The following SNX19 variants were observed in gnomAD, a reference collection of about 807,000 sequenced individuals.
SNX19 encodes the protein sorting nexin-19.
Under a neutral mutation model 85.2 loss-of-function variants are expected in SNX19, and 60 were observed. That is an observed-to-expected ratio of 0.70 (90% CI 0.57 to 0.87). The LOEUF (loss-of-function observed/expected upper bound fraction) is 0.87, where lower values mean the gene tolerates loss of function less well. Among genes scored for constraint, SNX19 ranks in the 40% least tolerant of loss-of-function variants. The pLI is 0.00. For synonymous variants in SNX19, 520 were observed against 470.0 expected (o/e 1.11, Z -1.38); for missense variants, 1,201 against 1,217.8 (o/e 0.99, Z 0.21).
rs12361892 is a variant in SNX19 at position 130,874,595 on chromosome 11, T to G, written c.*3827A>C. ...CTACTCACGTACTAATGTTATGAAA[T>G]AAAATAAATTTTCCTCATAATTTAA... On this transcript the variant is annotated 3_prime_UTR_variant, in exon 11 of 11. Transcript: ENST00000265909. 0.44 allele frequency among the ~76,000 whole-genome samples: 66,525 copies of G among 152,088 alleles called. 14,834 individuals are homozygous for G. The highest frequency in any genetic ancestry group is 0.56 in the South Asian group (2,724 of 4,822).
intron 8 of SNX19, among the ~76,000 whole-genome samples, chr11:130,900,934 A>C (rs1945219624): frequency 6.6e-6 from 1 of 152,208 alleles, no homozygotes; most frequent in Non-Finnish European, 1.5e-5. Flanking sequence ...GGAAATGTTT[A>C]TTTCTTTATT....
chr11:130,901,521 C>T (rs554475398), intron 8 of SNX19, among the ~76,000 whole-genome samples: 26 of 151,984 alleles, frequency 1.7e-4, no homozygotes, highest in African/African-American at 4.3e-4. Context: ...AAAGACCATT[C>T]GAAGGCAGAT....
At chr11:130,886,711 G>T (rs551903412) in intron 8 of SNX19, among the ~76,000 whole-genome samples, 1 of 152,276 alleles carries the variant, frequency 6.6e-6, no homozygotes, top group African/African-American at 2.4e-5. Context: ...AAATGTTTTT[G>T]CCCATTTCAC....
At chr11:130,905,235 A>G (rs1945574143) in intron 7 of SNX19, among the ~76,000 whole-genome samples, 1 of 152,208 alleles carries the variant, frequency 6.6e-6, no homozygotes, top group African/African-American at 2.4e-5. Context: ...TCTGCCTCCA[A>G]TGCATATAAG....
In SNX19 at chr11:130,872,279, C is replaced by T. The variant is rs1380864069; in HGVS notation, c.*6143G>A. Reference sequence around the variant, plus strand: ...TGACAGGGAGGCAGTGCAAAGGCTCCGCAAGTCTGAAAATAGCATAGTGTG... The same window carrying T: ...TGACAGGGAGGCAGTGCAAAGGCTCTGCAAGTCTGAAAATAGCATAGTGTG... On this transcript the variant is annotated 3_prime_UTR_variant, in exon 11 of 11. Transcript: ENST00000265909. Among the ~76,000 whole-genome samples, 1 of 152,040 alleles carries T rather than the reference C, an allele frequency of 6.6e-6. No individual in the cohort carries two copies. Among genetic ancestry groups the T allele is most frequent in the South Asian group, 2.1e-4 (1 of 4,826 alleles).
At chr11:130,909,193 T>C (rs1418350530) in intron 4 of SNX19, among the ~76,000 whole-genome samples, 1 of 152,168 alleles carries the variant, frequency 6.6e-6, no homozygotes, top group Admixed American at 6.5e-5. Flanking sequence ...ATCCAGTAAG[T>C]AGATGTGGAA....
intron 1 of SNX19, 38 bp from the exon 2 acceptor site, chr11:130,911,809 G>A: frequency 6.2e-7 from 1 of 1,603,682 alleles, no homozygotes; most frequent in Non-Finnish European, 8.5e-7. Flanking sequence ...AATCAGCCGG[G>A]TTTCAGCAAT....
chr11:130,903,158 C>T (rs1245168937), intron 8 of SNX19, 97 bp downstream of exon 8: 6 of 1,543,566 alleles, frequency 3.9e-6, no homozygotes, highest in Non-Finnish European at 5.3e-6. Flanking sequence ...AATCTATCTT[C>T]TCTTACGGCT....
intron 8 of SNX19, among the ~76,000 whole-genome samples, chr11:130,901,367 A>G (rs929210641): frequency 1.3e-5 from 2 of 152,224 alleles, no homozygotes; most frequent in Non-Finnish European, 2.9e-5. Flanking sequence ...ATTCTCGGGG[A>G]AAGAGAGCAG....
chr11:130,900,339 A>G (rs1945176950), intron 8 of SNX19, among the ~76,000 whole-genome samples: 2 of 152,264 alleles, frequency 1.3e-5, no homozygotes, highest in African/African-American at 2.4e-5. Context: ...TTTATCCTCA[A>G]TATATGAAAA....
chr11:130,911,673 G>A lies in SNX19; in HGVS notation c.1773C>T (p.Thr591=), dbSNP rs1946139880. The A allele has an allele frequency of 1.2e-6, 2 of 1,614,000 alleles. No homozygotes were observed. Among genetic ancestry groups the A allele is most frequent in the South Asian group, 1.1e-5 (1 of 91,086 alleles). Residue 591 remains threonine (T), a synonymous_variant, in exon 2 of 11, where the codon ACC becomes ACT. Coordinates refer to ENST00000265909, the MANE Select transcript of SNX19 (RefSeq NM_014758.3). The part of the protein sequence containing the change: ...RRYREFLNLQ[T]RLEEKPDLRK... ...GTAGATCTGGTTTCTCCTCCAGACG[G>A]GTCTGCAGATTCAAGAACTCCCGAT... is the stretch of plus-strand genomic sequence containing the variant.
intron 10 of SNX19, among the ~76,000 whole-genome samples, chr11:130,878,962 G>A (rs1943452732): frequency 6.6e-6 from 1 of 152,170 alleles, no homozygotes; most frequent in South Asian, 2.1e-4. Flanking sequence ...CAGGATCCTT[G>A]AGGAAGTTAA....
intron 7 of SNX19, 133 bp downstream of exon 7, chr11:130,905,820 C>T: frequency 1.9e-6 from 3 of 1,551,838 alleles, no homozygotes; most frequent in Non-Finnish European, 2.6e-6. Context: ...GCACCTCCAA[C>T]ACTGGAGTTC....
chr11:130,901,951 T>C (rs1029167064), intron 8 of SNX19: 4 of 152,210 alleles, frequency 2.6e-5, no homozygotes, highest in Non-Finnish European at 5.9e-5. Flanking sequence ...AAAGGCACTC[T>C]AGTGGCAGGG....
At chr11:130,910,609 A>G (rs1946031735) in intron 2 of SNX19, among the ~76,000 whole-genome samples, 1 of 152,164 alleles carries the variant, frequency 6.6e-6, no homozygotes, top group African/African-American at 2.4e-5. Context: ...TCCCTACTAT[A>G]ATGATGATCT....
In SNX19 at chr11:130,915,492, C is replaced by G. The variant is rs1405536456; in HGVS notation, c.448G>C (p.Asp150His). 6.2e-7 allele frequency: 1 copy of G among 1,614,194 alleles called. No individual in the cohort carries two copies. The highest frequency in any genetic ancestry group is 8.5e-7 in the Non-Finnish European group (1 of 1,180,038). ...ACACTCTGGGCAACAGCATGACTGT[C>G]CATCACGCTCATCCTTCTCCGAAGC... ...QELRRRMSVM[D>H]SHAVAQSVLT... Residue 150 changes from aspartate (D) to histidine (H), a missense_variant, in exon 1 of 11, where the codon GAC (aspartate) becomes CAC (histidine). Transcript: ENST00000265909.
At chr11:130,910,513 A>G in intron 2 of SNX19, 143 bp from the exon 3 acceptor site, 2 of 652,476 alleles carry the variant, frequency 3.1e-6, no homozygotes, top group East Asian at 2.7e-5. Flanking sequence ...CCAAATATAC[A>G]TACGATCCAT....
rs1943021617 is a variant in SNX19 at position 130,871,426 on chromosome 11, T to C, written c.*6996A>G. The stretch of plus-strand genomic sequence containing the variant: ...ATTTGGATTCCATGCAAGCAGGATG[T>C]GTAAAGGAGGTAAACTCCAAAAGTG... On this transcript the variant is annotated 3_prime_UTR_variant, in exon 11 of 11. Transcript: ENST00000265909. Among the ~76,000 whole-genome samples the C allele has an allele frequency of 6.6e-6, 1 of 152,160 alleles. No homozygotes were observed. Among genetic ancestry groups the C allele is most frequent in the Admixed American group, 6.5e-5 (1 of 15,282 alleles).
chr11:130,881,140 G>C, intron 8 of SNX19: 1 of 194,546 alleles, frequency 5.1e-6, no homozygotes, highest in Non-Finnish European at 1.0e-5. Context: ...TTTAGAAACT[G>C]TGAGAAATAA....
Sources: gnomAD v4.1 joint callset for allele counts (sites outside exome capture counted in the v4.1 genomes callset) on GRCh38, gnomAD v4.1.1 for gene constraint, MANE v1.5 for transcripts, NCBI Gene and HGNC (gene_info 2026-07-23, HGNC 2026-07-21) for gene names.